The following COL18A1 variants were observed in gnomAD, a reference collection of about 807,000 sequenced individuals.
COL18A1 encodes the protein collagen type XVIII alpha 1 chain, also known as collagen alpha-1(XVIII) chain.
COL18A1 carries 133 observed loss-of-function variants against 168.0 expected under a neutral mutation model. The observed-to-expected ratio is 0.79, with a 90% confidence interval of 0.69 to 0.91. COL18A1 has a LOEUF of 0.91. Ranked by LOEUF, COL18A1 falls within the 40% of genes least tolerant of loss-of-function variation. The probability of loss-of-function intolerance (pLI) is 0.00; values close to 1 mark genes in which losing one functional copy is unlikely to be tolerated. For synonymous variants in COL18A1, 949 were observed against 809.0 expected, an observed-to-expected ratio of 1.17 and a Z score of -2.94; for missense variants, 2,126 against 1,925.4, an observed-to-expected ratio of 1.10 and a Z score of -1.95.
At chr21:45,493,320 C>T (rs1337644919) in intron 25 of COL18A1, 95 bp downstream of exon 25, 1 of 1,414,200 alleles carries the variant, frequency 7.1e-7, no homozygotes. Context: ...ACCTGGGACC[C>T]CCCGGCTGCT....
chr21:45,494,597 C>G, intron 27 of COL18A1, 26 bp downstream of exon 27: 1 of 1,612,954 alleles, frequency 6.2e-7, no homozygotes, highest in Non-Finnish European at 8.5e-7. Flanking sequence ...GCTTTCTCTG[C>G]ACTGAGCTCG....
At chr21:45,419,987 C>A (rs1399043136) in intron 2 of COL18A1, 1 of 152,198 alleles carries the variant, frequency 6.6e-6, no homozygotes, top group African/African-American at 2.4e-5. Context: ...TCCATCCTTT[C>A]ATGGTCACAA....
intron 37 of COL18A1, chr21:45,506,950 C>T (rs2037244291): frequency 1.2e-5 from 3 of 250,804 alleles, no homozygotes; most frequent in African/African-American, 2.2e-5. Flanking sequence ...GAGCTGGTGC[C>T]CACTGTGTGC....
Position 45,496,071 on chromosome 21 carries a change from C to CATGCCCTCCATGCCCTTT in COL18A1, c.2509-413_2509-412insTTATGCCCTCCATGCCCT, listed in dbSNP as rs1555871301. ...CAGCAGGGCATCCATGGGCCTGGGC[C>CATGCCCTCCATGCCCTTT]ATGCCCTCCATGCCCTCTATGCCCT... On this transcript the variant is annotated intron_variant, in intron 29 of 41. Transcript: ENST00000651438. The CATGCCCTCCATGCCCTTT allele has an allele frequency of 1.4e-5, 5 of 368,780 alleles. No homozygotes were observed. The East Asian group carries it at 3.5e-4, about 25-fold the overall frequency. The allele number at this position is 368,780 out of a possible 1,614,324, so 22.8% of individuals were successfully genotyped here.
At chr21:45,467,151 G>T in intron 2 of COL18A1, 1 of 812,028 alleles carries the variant, frequency 1.2e-6, no homozygotes, top group Non-Finnish European at 1.5e-6. Context: ...GGTGTGCTGG[G>T]AAGTCACTCT....
chr21:45,427,442 C>A (rs1214923279), intron 2 of COL18A1, among the ~76,000 whole-genome samples: 1 of 152,162 alleles, frequency 6.6e-6, no homozygotes, highest in African/African-American at 2.4e-5. Flanking sequence ...CTGCCTCAGG[C>A]CTCTTGACCC....
Position 45,475,503 on chromosome 21 carries a change from G to T in COL18A1, c.766G>T (p.Gly256Trp). ...ATCCGGAGACTCTGGCAGCGGGCTC[G>T]GGGACGCCCGGGAGCTTCTCAGGGA... ...GASGDSGSGL[G>W]DARELLREET... Residue 256 changes from glycine (G) to tryptophan (W), a missense_variant, in exon 5 of 42, where the codon GGG (glycine) becomes TGG (tryptophan). Physicochemically the swap from Gly to Trp is radical, Grantham distance 184 (BLOSUM62 -2). Coordinates refer to ENST00000651438, the MANE Select transcript of COL18A1 (RefSeq NM_001379500.1). The T allele has an allele frequency of 6.2e-7, 1 of 1,606,862 alleles. No individual in the cohort carries two copies. Among genetic ancestry groups the T allele is most frequent in the Non-Finnish European group, 8.5e-7 (1 of 1,178,288 alleles).
chr21:45,436,715 T>C (rs986175673), intron 2 of COL18A1, among the ~76,000 whole-genome samples: 5 of 142,368 alleles, frequency 3.5e-5, no homozygotes, highest in Non-Finnish European at 4.6e-5. Flanking sequence ...GGACTGCTGG[T>C]GGGGGGCCCT....
Position 45,463,320 on chromosome 21 carries a change from G to A in COL18A1, c.107-4922G>A, listed in dbSNP as rs1208916310. Among the ~76,000 whole-genome samples the A allele has an allele frequency of 6.6e-6, 1 of 152,208 alleles. No homozygotes were observed. Among genetic ancestry groups the A allele is most frequent in the Non-Finnish European group, 1.5e-5 (1 of 68,048 alleles). Reference sequence around the variant, plus strand: ...ACAAGCTGTGTGGCTGCTGCTCCAGGAACTCGTGCATGGCACCTGCTATGG... The same window carrying A: ...ACAAGCTGTGTGGCTGCTGCTCCAGAAACTCGTGCATGGCACCTGCTATGG... On this transcript the variant is annotated intron_variant, in intron 2 of 41. Coordinates refer to ENST00000651438, the MANE Select transcript of COL18A1 (RefSeq NM_001379500.1). This position sits in a 1 kb window ranked among gnomAD's most constrained non-coding sequence, Gnocchi z 4.0.
chr21:45,445,985 C>T (rs575142389), intron 2 of COL18A1, among the ~76,000 whole-genome samples: 1 of 152,244 alleles, frequency 6.6e-6, no homozygotes, highest in South Asian at 2.1e-4. Flanking sequence ...GTCACTTGGG[C>T]TTTTGCTGTC....
At chr21:45,508,071 A>G in intron 38 of COL18A1, among the ~76,000 whole-genome samples, 1 of 136,614 alleles carries the variant, frequency 7.3e-6, no homozygotes, top group Admixed American at 7.1e-5. Context: ...ATGGATGAGT[A>G]GATGGTGGAC....
intron 8 of COL18A1, 44 bp downstream of exon 8, chr21:45,478,009 G>T (rs1236970355): frequency 9.2e-7 from 1 of 1,086,726 alleles, no homozygotes; most frequent in Admixed American, 2.0e-5. Flanking sequence ...TCTGGAGGGT[G>T]GGGGCTTGGG....
chr21:45,470,286 C>G (rs966966069), intron 3 of COL18A1, among the ~76,000 whole-genome samples: 2 of 152,098 alleles, frequency 1.3e-5, no homozygotes, highest in Admixed American at 1.3e-4. Flanking sequence ...TGTGACTGAC[C>G]GGTTTATGTT....
chr21:45,506,766 TGGA>T (rs1446602678), intron 37 of COL18A1: 371 of 33,816 alleles, frequency 0.011, 4 homozygotes, highest in African/African-American at 0.048. Flanking sequence ...ACCTTCCCTC[TGGA>T]ACCCTCCCAC....
At chr21:45,438,268 TCAGA>T (rs1199219120) in intron 2 of COL18A1, among the ~76,000 whole-genome samples, 4 of 44,406 alleles carry the variant, frequency 9.0e-5, no homozygotes, top group Non-Finnish European at 1.2e-4. Context: ...ACACTCACAC[TCAGA>T]CACACAGGCA....
chr21:45,456,154 C>T (rs1237589728), intron 2 of COL18A1: 1 of 1,586,000 alleles, frequency 6.3e-7, no homozygotes, highest in Non-Finnish European at 8.6e-7. Flanking sequence ...TCACGGGGCC[C>T]TCAGTGCCAC....
Position 45,505,973 on chromosome 21 carries a change from G to A in COL18A1, c.3216+7G>A, listed in dbSNP as rs370117658. 78 of 1,612,892 alleles carry A rather than the reference G, an allele frequency of 4.8e-5. No individual in the cohort carries two copies. Among genetic ancestry groups the A allele is most frequent in the Non-Finnish European group, 6.1e-5 (72 of 1,179,932 alleles). On this transcript the variant is annotated splice_region_variant and intron_variant, in intron 37 of 41. Coordinates refer to ENST00000651438, the MANE Select transcript of COL18A1 (RefSeq NM_001379500.1). ...CGGGTTCCGGAAGGTCCAGGTGAGC[G>A]CTCTGTGTGACGGGTTCTGGACCCG...
In COL18A1 at chr21:45,418,962, A is replaced by G. The variant is rs1262412951; in HGVS notation, c.106+13489A>G. Among the ~76,000 whole-genome samples, 3 of 152,214 alleles carry G rather than the reference A, an allele frequency of 2.0e-5. No individual in the cohort carries two copies. The East Asian group carries it at 5.8e-4, about 29-fold the overall frequency. On this transcript the variant is annotated intron_variant, in intron 2 of 41. Coordinates refer to ENST00000651438, the MANE Select transcript of COL18A1 (RefSeq NM_001379500.1). ...CCCTCCATGGGGCAGACAGTGCCATAGTCTTCACCGCCTCAGTCTGGGGGC... is the reference window on the plus strand; with the variant it reads ...CCCTCCATGGGGCAGACAGTGCCATGGTCTTCACCGCCTCAGTCTGGGGGC...
At chr21:45,490,948 G>C (rs2036318839) in intron 21 of COL18A1, 77 bp downstream of exon 21, 16 of 1,377,148 alleles carry the variant, frequency 1.2e-5, no homozygotes, top group Non-Finnish European at 1.6e-5. Context: ...AGCTGCCCCA[G>C]GTCCGTGCCC....
Sources: allele counts gnomAD v4.1 joint callset (sites outside exome capture counted in the v4.1 genomes callset), GRCh38; gene constraint gnomAD v4.1.1; non-coding constraint Gnocchi (gnomAD v3.1); transcripts MANE v1.5; gene names NCBI Gene and HGNC (gene_info 2026-07-23, HGNC 2026-07-21).